Variants in ELAPOR2 observed in about 807,000 individuals in gnomAD.
ELAPOR2 encodes endosome-lysosome associated apoptosis and autophagy regulator family member 2, also known as endosome/lysosome-associated apoptosis and autophagy regulator family member 2.
Under a neutral mutation model 120.7 loss-of-function variants are expected in ELAPOR2, and 89 were observed. That is an observed-to-expected ratio of 0.74 (90% CI 0.62 to 0.88). ELAPOR2 has a LOEUF of 0.88. Ranked by LOEUF, ELAPOR2 falls within the 40% of genes least tolerant of loss-of-function variation. ELAPOR2 has a pLI of 0.00. For missense variants in ELAPOR2, 1,134 were observed against 1,251.6 expected (o/e 0.91, Z 1.42); for synonymous variants, 444 against 444.9 (o/e 1.00, Z 0.03).
intron 1 of ELAPOR2, among the ~76,000 whole-genome samples, chr7:87,024,540 C>G (rs897788243): frequency 2.0e-5 from 3 of 152,078 alleles, no homozygotes; most frequent in Admixed American, 6.6e-5. Flanking sequence ...TTTGTTGTCT[C>G]TCTGCCAGGC....
At chr7:87,024,986 A>G (rs1794195647) in intron 1 of ELAPOR2, among the ~76,000 whole-genome samples, 3 of 146,666 alleles carry the variant, frequency 2.0e-5, no homozygotes. Context: ...CTTTTCCTAC[A>G]GAAAAAAAAA....
intron 1 of ELAPOR2, among the ~76,000 whole-genome samples, chr7:87,054,361 T>C (rs1795201759): frequency 6.6e-6 from 1 of 152,248 alleles, no homozygotes; most frequent in African/African-American, 2.4e-5. Context: ...GGTTTTACAT[T>C]GTAAATATTG....
intron 21 of ELAPOR2, among the ~76,000 whole-genome samples, chr7:86,885,989 G>A (rs142847497): frequency 5.2e-4 from 79 of 152,114 alleles, no homozygotes; most frequent in African/African-American, 1.6e-3. Flanking sequence ...GGTGAGTCAG[G>A]GTTTCACACA....
At chr7:87,048,407 T>C (rs1795013752) in intron 1 of ELAPOR2, among the ~76,000 whole-genome samples, 1 of 152,152 alleles carries the variant, frequency 6.6e-6, no homozygotes, top group African/African-American at 2.4e-5. Flanking sequence ...CACGTTCTCA[T>C]TTGTTGATCT....
At chr7:86,922,515 C>T (rs1789877018) in intron 10 of ELAPOR2, among the ~76,000 whole-genome samples, 1 of 151,782 alleles carries the variant, frequency 6.6e-6, no homozygotes, top group Non-Finnish European at 1.5e-5. Flanking sequence ...TTTTCACTTT[C>T]TTTCAACGCA....
At chr7:86,989,361 C>T (rs1338313581) in intron 1 of ELAPOR2, among the ~76,000 whole-genome samples, 4 of 152,184 alleles carry the variant, frequency 2.6e-5, no homozygotes, top group African/African-American at 9.7e-5. Flanking sequence ...CCTTGGCTCA[C>T]AATTTCAGAA....
chr7:86,975,393 A>C (rs1464674845), intron 1 of ELAPOR2, among the ~76,000 whole-genome samples: 3 of 152,194 alleles, frequency 2.0e-5, no homozygotes, highest in Non-Finnish European at 4.4e-5. Context: ...GTTCTTTTGC[A>C]CTCAACTGAC....
At chr7:87,058,307 G>A (rs1192466571) in intron 1 of ELAPOR2, among the ~76,000 whole-genome samples, 2 of 152,156 alleles carry the variant, frequency 1.3e-5, no homozygotes, top group Non-Finnish European at 1.5e-5. Context: ...GGGGCTATTG[G>A]CTAACCTATT....
intron 1 of ELAPOR2, among the ~76,000 whole-genome samples, chr7:87,005,402 GCATATGTGCTAGATCCACACATGA>G (rs1167896760): frequency 6.6e-6 from 1 of 152,050 alleles, no homozygotes; most frequent in Non-Finnish European, 1.5e-5. Flanking sequence ...GAAGAAAATG[GCATATGTGCTAGATCCACACATGA>G]CATATTTCAC....
intron 1 of ELAPOR2, among the ~76,000 whole-genome samples, chr7:86,966,159 G>A (rs1334361296): frequency 1.3e-5 from 2 of 152,058 alleles, no homozygotes; most frequent in African/African-American, 4.8e-5. Context: ...CACTTTGCTT[G>A]GAAATCTGCT....
chr7:86,887,645 G>A (rs1799753990), intron 21 of ELAPOR2, among the ~76,000 whole-genome samples: 1 of 152,048 alleles, frequency 6.6e-6, no homozygotes, highest in African/African-American at 2.4e-5. Flanking sequence ...GAGAGTAGAG[G>A]TATTCAGCGG....
intron 2 of ELAPOR2, among the ~76,000 whole-genome samples, chr7:86,963,523 C>G (rs905988859): frequency 1.3e-5 from 2 of 152,138 alleles, no homozygotes; most frequent in Admixed American, 1.3e-4. Flanking sequence ...CAGCGCTAGC[C>G]AAGACCACCA....
At chr7:86,968,012 TA>T (rs1791976245) in intron 1 of ELAPOR2, among the ~76,000 whole-genome samples, 3 of 152,092 alleles carry the variant, frequency 2.0e-5, no homozygotes, top group Non-Finnish European at 4.4e-5. Context: ...TTTGGGCTGG[TA>T]ACAAATAATA....
At chr7:86,958,826 T>C (rs1402139394) in intron 2 of ELAPOR2, among the ~76,000 whole-genome samples, 1 of 152,224 alleles carries the variant, frequency 6.6e-6, no homozygotes, top group Non-Finnish European at 1.5e-5. Flanking sequence ...CAGAATCTTT[T>C]GTGGTTCCAT....
chr7:87,004,732 G>A (rs574081565), intron 1 of ELAPOR2, among the ~76,000 whole-genome samples: 14 of 152,284 alleles, frequency 9.2e-5, no homozygotes, highest in African/African-American at 3.4e-4. Context: ...ATTACAGACA[G>A]TGCATTCTCA....
At chr7:86,905,386 G>A (rs567356498) in intron 18 of ELAPOR2, among the ~76,000 whole-genome samples, 23 of 151,576 alleles carry the variant, frequency 1.5e-4, no homozygotes, top group Non-Finnish European at 3.1e-4. Flanking sequence ...TGTTTCTCGT[G>A]TTCTGATCTC....
At chr7:86,905,458 T>C (rs1288056027) in intron 18 of ELAPOR2, among the ~76,000 whole-genome samples, 2 of 152,138 alleles carry the variant, frequency 1.3e-5, no homozygotes, top group Non-Finnish European at 2.9e-5. Flanking sequence ...GTCAGCACAT[T>C]TAAGCTGTAG....
At chr7:86,942,126 C>A in intron 4 of ELAPOR2, 22 bp from the exon 5 acceptor site, 3 of 1,410,492 alleles carry the variant, frequency 2.1e-6, no homozygotes. Context: ...ACACAAGAGC[C>A]CTAGTAAAGT....
chr7:86,878,375 T>G lies in ELAPOR2; in HGVS notation c.*2096A>C, dbSNP rs968917278. ...GATGGGACTGTGCTGACAAAATATA[T>G]TTAATATCTAAAATTAGAAATAAAA... On this transcript the variant is annotated 3_prime_UTR_variant, in exon 22 of 22. Transcript: ENST00000450689. 2 of 152,218 alleles carry G rather than the reference T, an allele frequency of 1.3e-5. No homozygotes were observed. Among genetic ancestry groups the G allele is most frequent in the Non-Finnish European group, 2.9e-5 (2 of 68,044 alleles). The allele number at this position is 152,218 out of a possible 1,614,324, so 9.4% of individuals were successfully genotyped here. A position where few individuals can be genotyped will look rare whatever the true frequency, so the allele number is the denominator to read the frequency against.
Sources: gnomAD v4.1 joint callset for allele counts (sites outside exome capture counted in the v4.1 genomes callset) on GRCh38, gnomAD v4.1.1 for gene constraint, MANE v1.5 for transcripts, NCBI Gene and HGNC (gene_info 2026-07-23, HGNC 2026-07-21) for gene names.